The following RPAP1 variants were observed in gnomAD, a reference collection of about 807,000 sequenced individuals.
RPAP1 encodes the protein RNA polymerase II associated protein 1, also known as RNA polymerase II-associated protein 1.
Under a neutral mutation model 142.4 loss-of-function variants are expected in RPAP1, and 109 were observed. The ratio of observed to expected loss-of-function variants is 0.77; its 90% CI spans 0.66 to 0.90. The LOEUF is 0.90. Among genes scored for constraint, RPAP1 ranks in the 40% least tolerant of loss-of-function variants. RPAP1 has a pLI of 0.00. For missense variants in RPAP1, 1,546 were observed against 1,751.7 expected, an observed-to-expected ratio of 0.88 and a Z score of 2.10; for synonymous variants, 704 against 738.9, an observed-to-expected ratio of 0.95 and a Z score of 0.77.
At chr15:41,524,885 TC>T in intron 15 of RPAP1, 105 bp downstream of exon 15, 1 of 1,199,124 alleles carries the variant, frequency 8.3e-7, no homozygotes, top group Non-Finnish European at 1.2e-6. Flanking sequence ...CTCATTCTTA[TC>T]CTTCCTCCAA....
rs764298928 is a variant in RPAP1 at position 41,529,982 on chromosome 15, G to C, written c.944-3C>G. ...AGGGGTCACGGGCAATGCCAGAGCT[G>C]GGGAGACAAAGCATGATAGTATTAC... On this transcript the variant is annotated splice_polypyrimidine_tract_variant and splice_region_variant and intron_variant, in intron 7 of 24. Coordinates refer to ENST00000304330, the MANE Select transcript of RPAP1 (RefSeq NM_015540.4). 6 of 1,612,732 alleles carry C rather than the reference G, an allele frequency of 3.7e-6. No individual in the cohort carries two copies. In the South Asian group the frequency reaches 6.6e-5, roughly 18 times the overall value.
chr15:41,537,832 G>A (rs549496422), intron 1 of RPAP1, among the ~76,000 whole-genome samples: 3 of 148,260 alleles, frequency 2.0e-5, no homozygotes, highest in African/African-American at 7.5e-5. Context: ...GCTGTGAGCC[G>A]AGATTGCACC....
intron 1 of RPAP1, among the ~76,000 whole-genome samples, chr15:41,538,371 C>T (rs951235173): frequency 6.6e-6 from 1 of 152,162 alleles, no homozygotes; most frequent in African/African-American, 2.4e-5. Flanking sequence ...CCACTTGACA[C>T]AGAAAGTTAA....
At chr15:41,527,693 A>G (rs1323467913) in intron 11 of RPAP1, 88 bp from the exon 12 acceptor site, 1 of 1,483,244 alleles carries the variant, frequency 6.7e-7, no homozygotes, top group Non-Finnish European at 9.0e-7. Context: ...AATAAAAACC[A>G]TAAAGGCAAG....
chr15:41,521,686 A>G, intron 21 of RPAP1, 52 bp downstream of exon 21: 1 of 1,595,000 alleles, frequency 6.3e-7, no homozygotes, highest in Non-Finnish European at 8.6e-7. Context: ...TCTGTTAACA[A>G]CTGCAGCAGC....
chr15:41,531,192 C>G lies in RPAP1; in HGVS notation c.774G>C (p.Leu258Phe), dbSNP rs1440618499. 5.0e-6 allele frequency: 8 copies of G among 1,611,186 alleles called. No individual in the cohort carries two copies. Among genetic ancestry groups the G allele is most frequent in the Non-Finnish European group, 6.8e-6 (8 of 1,177,678 alleles). ...GGCTGTGAGATCTCAAGAAAGCAAC[C>G]AAGCTGGGGTCTAGAGGCGAAGGTA... is the stretch of plus-strand genomic sequence containing the variant. ...QRLLAQLDPSLVAFLRSHSHT... is the reference protein window; with the variant it reads ...QRLLAQLDPSFVAFLRSHSHT... The change falls in exon 7 of 25, where the codon TTG becomes TTC. Residue 258 changes from leucine (L) to phenylalanine (F), a missense_variant. By Grantham distance (22) the Leu-to-Phe change is conservative. Coordinates refer to ENST00000304330, the MANE Select transcript of RPAP1 (RefSeq NM_015540.4).
rs972031907 is a variant in RPAP1, at chr15:41,527,886, C to T, written c.1402G>A (p.Ala468Thr). 6.2e-7 allele frequency: 1 copy of T among 1,614,116 alleles called. No homozygotes were observed. The highest frequency in any genetic ancestry group is 8.5e-7 in the Non-Finnish European group (1 of 1,180,020). The change falls in exon 11 of 25, where the codon GCT becomes ACT. Residue 468 changes from alanine to threonine, a missense_variant. Ala to Thr is a moderately conservative substitution (Grantham distance 58). Transcript: ENST00000304330. ...TCATCTCCAGGAGCCACCAGCAGAG[C>T]CCGAAGAGCACGGATGGCGGTTGCA... ...VIATAIRALR[A>T]LLVAPGDEEL...
Position 41,527,920 on chromosome 15 carries a change from A to G in RPAP1, c.1368T>C (p.Asp456=). The G allele has an allele frequency of 6.2e-7, 1 of 1,614,066 alleles. No individual in the cohort carries two copies. The highest frequency in any genetic ancestry group is 8.5e-7 in the Non-Finnish European group (1 of 1,180,012). ...CACGGATGGCGGTTGCAATGACCCC[A>G]TCCACTCTGTCATCCAAGGAGAAGC... is the stretch of plus-strand genomic sequence containing the variant. The part of the protein sequence containing the change: ...LLRFSLDDRV[D]GVIATAIRAL... The change falls in exon 11 of 25, where the codon GAT becomes GAC. Residue 456 remains aspartate (D), a synonymous_variant. Transcript: ENST00000304330.
chr15:41,520,246 T>C (rs2051710109), intron 22 of RPAP1, 145 bp downstream of exon 22: 2 of 899,530 alleles, frequency 2.2e-6, no homozygotes, highest in South Asian at 3.2e-5. Flanking sequence ...TGTTAAGCCC[T>C]TTTCATTGAT....
At chr15:41,543,958 C>T (rs1378328344) in intron 1 of RPAP1, 1 of 152,222 alleles carries the variant, frequency 6.6e-6, no homozygotes, top group Non-Finnish European at 1.5e-5. Context: ...CGAGTCGGGA[C>T]GCGTGACTGC....
intron 13 of RPAP1, 49 bp downstream of exon 13, chr15:41,527,118 C>A: frequency 1.2e-6 from 2 of 1,613,274 alleles, no homozygotes; most frequent in Middle Eastern, 1.7e-4. Context: ...TGGGTCAAGA[C>A]AAGGCCCAGC....
rs745374977 is a variant in RPAP1, at chr15:41,518,109, G to C, written c.3869C>G (p.Thr1290Ser). The change falls in exon 23 of 25, where the codon ACC becomes AGC. Residue 1290 changes from threonine (T) to serine (S), a missense_variant. Physicochemically the swap from Thr to Ser is moderately conservative, Grantham distance 58. Coordinates refer to ENST00000304330, the MANE Select transcript of RPAP1 (RefSeq NM_015540.4). Reference sequence around the variant, plus strand: ...TGGGCGGAGCGCACCAGTAACCAGGGTCCGGAAGTAGAGCTGAAGGAGGGC... The same window carrying C: ...TGGGCGGAGCGCACCAGTAACCAGGCTCCGGAAGTAGAGCTGAAGGAGGGC... Reference protein sequence around the residue: ...NLALLQLYFRTLVTGALRPRW... With the variant: ...NLALLQLYFRSLVTGALRPRW... The C allele has an allele frequency of 1.9e-6, 3 of 1,605,620 alleles. No homozygotes were observed. In the South Asian group the frequency reaches 3.3e-5, roughly 18 times the overall value.
chr15:41,536,210 A>G lies in RPAP1; in HGVS notation c.339T>C (p.Asp113=), dbSNP rs764289806. 3 of 1,614,092 alleles carry G rather than the reference A, an allele frequency of 1.9e-6. No homozygotes were observed. Among genetic ancestry groups the G allele is most frequent in the South Asian group, 2.2e-5 (2 of 91,068 alleles). ...GCAGATTCACGGCCACTGAACTTGT[A>G]TCTCGTTCCTGTAGCAACAAAGCAC... The part of the protein sequence containing the change: ...TAVLTKIIER[D]TSSVAVNLPV... The change falls in exon 4 of 25, where the codon GAT becomes GAC. Residue 113 remains aspartate, a synonymous_variant. Transcript: ENST00000304330.
At chr15:41,529,597 C>A in intron 8 of RPAP1, 29 bp from the exon 9 acceptor site, 3 of 1,531,706 alleles carry the variant, frequency 2.0e-6, no homozygotes, top group Non-Finnish European at 2.7e-6. Context: ...GGACTGTGGT[C>A]TGGGGGCTCC....
chr15:41,528,066 A>T, intron 10 of RPAP1, 39 bp from the exon 11 acceptor site: 1 of 1,606,488 alleles, frequency 6.2e-7, no homozygotes, highest in Non-Finnish European at 8.5e-7. Flanking sequence ...AAGATGCTGA[A>T]GTTATCTAGA....
intron 19 of RPAP1, 199 bp from the exon 20 acceptor site, chr15:41,522,449 G>A: frequency 1.6e-6 from 1 of 610,832 alleles, no homozygotes. Flanking sequence ...GCAGTGCAAT[G>A]GTGTGATCTC....
chr15:41,523,648 A>G (rs1404191881), intron 17 of RPAP1, 123 bp downstream of exon 17: 3 of 892,714 alleles, frequency 3.4e-6, no homozygotes, highest in East Asian at 5.3e-5. Flanking sequence ...GTAGGAATTA[A>G]AAGGGAAGAT....
Position 41,522,771 on chromosome 15 carries a change from A to G in RPAP1, c.2736T>C (p.Cys912=), listed in dbSNP as rs1189052854. 7.1e-7 allele frequency: 1 copy of G among 1,412,546 alleles called. No homozygotes were observed. The highest frequency in any genetic ancestry group is 1.6e-5 in the African/African-American group (1 of 64,346). 87.5% of individuals were successfully genotyped at this position (1,412,546 alleles called of 1,614,324 possible). ...NTLAQIHKGL[C]GQLAAILAAP... is the part of the protein sequence containing the mutation. ...TCAGGCACCCCACACTTACCTGGCC[A>G]CACAGCCCCTTGTGGATCTGGGCCA... The change falls in exon 19 of 25, where the codon TGT becomes TGC. Residue 912 remains cysteine (C), a synonymous_variant. Transcript: ENST00000304330.
rs1296630707 is a variant in RPAP1 at position 41,537,220 on chromosome 15, A to C, written c.-76-19T>G. On this transcript the variant is annotated intron_variant, in intron 1 of 24. Coordinates refer to ENST00000304330, the MANE Select transcript of RPAP1 (RefSeq NM_015540.4). ...TTCATCCCTAAGAGCAAGAAAGAATATGGGCCCTCTGCAACTGAACCCTGA... is the reference window on the plus strand; with the variant it reads ...TTCATCCCTAAGAGCAAGAAAGAATCTGGGCCCTCTGCAACTGAACCCTGA... The C allele has an allele frequency of 1.1e-5, 13 of 1,235,888 alleles. No individual in the cohort carries two copies. Among genetic ancestry groups the C allele is most frequent in the Non-Finnish European group, 1.5e-5 (13 of 883,750 alleles). 76.6% of individuals were successfully genotyped at this position (1,235,888 alleles called of 1,614,324 possible). A position where few individuals can be genotyped will look rare whatever the true frequency, so the allele number is the denominator to read the frequency against.
Sources: allele counts gnomAD v4.1 joint callset (sites outside exome capture counted in the v4.1 genomes callset), GRCh38; gene constraint gnomAD v4.1.1; transcripts MANE v1.5; gene names NCBI Gene and HGNC (gene_info 2026-07-23, HGNC 2026-07-21).